The following LATS1 variants were observed in gnomAD, a reference collection of about 807,000 sequenced individuals.
LATS1 encodes large tumor suppressor kinase 1.
LATS1 carries 25 observed loss-of-function variants against 106.6 expected under a neutral mutation model. That is an observed-to-expected ratio of 0.23 (90% confidence interval 0.17 to 0.33). LATS1 has a LOEUF of 0.33. Among genes scored for constraint, LATS1 ranks in the 10% least tolerant of loss-of-function variants. The pLI, the probability that LATS1 is intolerant of heterozygous loss-of-function variation, is 1.00. For synonymous variants in LATS1, 465 were observed against 455.6 expected (o/e 1.02, Z -0.26); for missense variants, 1,040 against 1,382.6 (o/e 0.75, Z 3.93).
At chr6:149,670,709 CAG>C (rs1781402311) in intron 7 of LATS1, among the ~76,000 whole-genome samples, 1 of 151,602 alleles carries the variant, frequency 6.6e-6, no homozygotes, top group Non-Finnish European at 1.5e-5. Flanking sequence ...TTTAAAGAGA[CAG>C]AGATCCATTT....
At chr6:149,705,425 G>A (rs1783708505) in intron 1 of LATS1, among the ~76,000 whole-genome samples, 1 of 152,068 alleles carries the variant, frequency 6.6e-6, no homozygotes, top group Admixed American at 6.6e-5. Flanking sequence ...GATTAACACT[G>A]TTGTGGAATC....
intron 5 of LATS1, among the ~76,000 whole-genome samples, chr6:149,678,439 A>G (rs1442149254): frequency 6.6e-6 from 1 of 152,226 alleles, no homozygotes; most frequent in Non-Finnish European, 1.5e-5. Context: ...CCTAGGAATC[A>G]TATTTTTAAG....
chr6:149,675,104 CT>C (rs1242519465), intron 7 of LATS1, among the ~76,000 whole-genome samples: 1 of 151,508 alleles, frequency 6.6e-6, no homozygotes, highest in African/African-American at 2.4e-5. Context: ...GTAATCCCAG[CT>C]ACTCGGGAGG....
intron 3 of LATS1, among the ~76,000 whole-genome samples, chr6:149,690,536 T>C (rs1782682297): frequency 6.6e-6 from 1 of 151,876 alleles, no homozygotes; most frequent in African/African-American, 2.4e-5. Context: ...TTATGTCATT[T>C]AAAATTTTAA....
chr6:149,668,721 A>T (rs1781292465), intron 7 of LATS1, among the ~76,000 whole-genome samples: 1 of 151,870 alleles, frequency 6.6e-6, no homozygotes. Context: ...CTGGGATTGC[A>T]GGCATAAGCC....
intron 3 of LATS1, among the ~76,000 whole-genome samples, chr6:149,691,509 T>C (rs898453864): frequency 2.6e-5 from 4 of 152,212 alleles, no homozygotes; most frequent in African/African-American, 4.8e-5. Flanking sequence ...GGTCAGTATC[T>C]CTTTCTTAGC....
chr6:149,705,616 A>G (rs1333181178), intron 1 of LATS1, among the ~76,000 whole-genome samples: 4 of 152,120 alleles, frequency 2.6e-5, no homozygotes, highest in African/African-American at 7.2e-5. Flanking sequence ...AAAGAAAAAA[A>G]GAAAAGAAAC....
At position 149,658,418 on chromosome 6, in the gene LATS1, TG is replaced by T. The variant is rs1780777435; in HGVS notation, c.*3310del. 6.6e-6 allele frequency: 1 copy of T among 152,226 alleles called. No homozygotes were observed. The highest frequency in any genetic ancestry group is 6.5e-5 in the Admixed American group (1 of 15,280). The allele number at this position is 152,226 out of a possible 1,614,324, so 9.4% of individuals were successfully genotyped here. A position where few individuals can be genotyped will look rare whatever the true frequency, so the allele number is the denominator to read the frequency against. ...TACAATATAAAAGTAAACTGTGTAG[TG>T]CCTTCCACAAAGGGATATATTAAGG... On this transcript the variant is annotated 3_prime_UTR_variant, in exon 8 of 8. Transcript: ENST00000543571.
rs139248642 is a variant in LATS1, at chr6:149,661,749, G to A, written c.3373C>T (p.Arg1125Cys). 14 of 1,567,890 alleles carry A rather than the reference G, an allele frequency of 8.9e-6. No homozygotes were observed. Among genetic ancestry groups the A allele is most frequent in the East Asian group, 2.2e-5 (1 of 44,498 alleles). Residue 1125 changes from arginine to cysteine, a missense_variant, in exon 8 of 8, where the codon CGC (arginine) becomes TGC (cysteine). By Grantham distance (180) the Arg-to-Cys change is radical. This residue lies in a region of LATS1 where 46 missense variants were observed against 42.4 expected (regional missense o/e 1.09). Transcript: ENST00000543571. The part of the protein sequence containing the change: ...DQNTGSEIKN[R>C]DLVYV ...GTGTGTTAAACATATACTAGATCGC[G>A]ATTTTTAATCTCTGAGCCTGTGTTT... is the stretch of plus-strand genomic sequence containing the variant.
At chr6:149,680,595 A>C (rs1232281665) in intron 4 of LATS1, 138 bp from the exon 5 acceptor site, 7 of 658,380 alleles carry the variant, frequency 1.1e-5, no homozygotes, top group Non-Finnish European at 1.8e-5. Context: ...AAATCTAGAA[A>C]ACATTTCAAA....
intron 4 of LATS1, among the ~76,000 whole-genome samples, chr6:149,682,451 G>A (rs1274499108): frequency 1.4e-5 from 2 of 140,118 alleles, no homozygotes; most frequent in African/African-American, 2.7e-5. Context: ...TCTCACTGTC[G>A]CCCACACTGG....
chr6:149,672,994 A>G (rs1781520702), intron 7 of LATS1, among the ~76,000 whole-genome samples: 1 of 151,932 alleles, frequency 6.6e-6, no homozygotes, highest in Admixed American at 6.6e-5. Flanking sequence ...TTATTCTTGT[A>G]CTTTACACCT....
At chr6:149,706,335 C>T (rs191030569) in intron 1 of LATS1, among the ~76,000 whole-genome samples, 214 of 151,506 alleles carry the variant, frequency 1.4e-3, no homozygotes, top group African/African-American at 3.8e-3. Flanking sequence ...GGCAAAACCC[C>T]GTCTCCACAA....
In LATS1 at chr6:149,702,096, T is replaced by C. The variant is rs182249273; in HGVS notation, c.31A>G (p.Arg11Gly). 6.0e-5 allele frequency: 96 copies of C among 1,612,360 alleles called. No individual in the cohort carries two copies. In the Admixed American group the frequency reaches 6.2e-4, roughly 10 times the overall value. Residue 11 changes from arginine (R) to glycine (G), a missense_variant, in exon 2 of 8, where the codon AGA (arginine) becomes GGA (glycine). Around this residue, in one of 7 missense-constraint regions of LATS1, gnomAD observed 624 missense variants for 714.8 expected, o/e 0.87. Transcript: ENST00000543571. Reference protein sequence around the residue: MKRSEKPEGYRQMRPKTFPAS... With the variant: MKRSEKPEGYGQMRPKTFPAS... ...GGAAAGGTCTTAGGCCTCATTTGTC[T>C]ATATCCTTCTGGCTTTTCACTCCTC...
intron 7 of LATS1, among the ~76,000 whole-genome samples, chr6:149,673,676 T>C (rs557356372): frequency 6.6e-6 from 1 of 150,626 alleles, no homozygotes; most frequent in Non-Finnish European, 1.5e-5. Flanking sequence ...TTCTTTTTTT[T>C]CCTTTTTTTT....
chr6:149,708,307 C>T (rs953472117), intron 1 of LATS1, among the ~76,000 whole-genome samples: 2 of 150,840 alleles, frequency 1.3e-5, no homozygotes, highest in East Asian at 1.9e-4. Context: ...CCCAGCTACT[C>T]GGAAGGCTGA....
At chr6:149,682,134 G>A (rs935777164) in intron 4 of LATS1, among the ~76,000 whole-genome samples, 8 of 150,968 alleles carry the variant, frequency 5.3e-5, no homozygotes, top group Non-Finnish European at 7.4e-5. Flanking sequence ...AATGATGATC[G>A]TACTACCTTA....
In LATS1 at chr6:149,683,129, G is replaced by A; in HGVS notation, c.1960C>T (p.His654Tyr). 1 of 1,613,346 alleles carries A rather than the reference G, an allele frequency of 6.2e-7. No homozygotes were observed. The highest frequency in any genetic ancestry group is 8.5e-7 in the Non-Finnish European group (1 of 1,179,570). ...EQHVENVLKS[H>Y]QQRLHRKKQL... Reference sequence around the variant, plus strand: ...TTTTTACGATGTAGACGCTGCTGATGAGATTTGAGTACATTTTCTACATGT... The same window carrying A: ...TTTTTACGATGTAGACGCTGCTGATAAGATTTGAGTACATTTTCTACATGT... Residue 654 changes from histidine to tyrosine, a missense_variant, in exon 4 of 8, where the codon CAT becomes TAT. Coordinates refer to ENST00000543571, the MANE Select transcript of LATS1 (RefSeq NM_004690.4).
rs1396293590 is a variant in LATS1, at chr6:149,672,241, G to A, written c.2883+4019C>T. ...CTTTTTTTTTTTGACATGGAGTCTC[G>A]CTCTGTCACCCAGGCTGGAGTGCAG... On this transcript the variant is annotated intron_variant, in intron 7 of 7. Transcript: ENST00000543571. Among the ~76,000 whole-genome samples the A allele has an allele frequency of 5.4e-5, 8 of 148,564 alleles. 2 individuals carry two copies. The highest frequency in any genetic ancestry group is 4.3e-4 in the South Asian group (2 of 4,690).
Sources: allele counts gnomAD v4.1 joint callset (sites outside exome capture counted in the v4.1 genomes callset), GRCh38; gene constraint gnomAD v4.1.1; regional missense constraint gnomAD v4.1.1; transcripts MANE v1.5; gene names NCBI Gene and HGNC (gene_info 2026-07-23, HGNC 2026-07-21).